Variants in CLDN16 observed in about 807,000 individuals in gnomAD.
CLDN16 encodes claudin 16.
Under a neutral mutation model 24.6 loss-of-function variants are expected in CLDN16, and 13 were observed. The ratio of observed to expected loss-of-function variants is 0.53; its 90% confidence interval spans 0.34 to 0.84. The LOEUF is 0.84. Ranked by LOEUF, CLDN16 falls within the 40% of genes least tolerant of loss-of-function variation. CLDN16 has a pLI of 0.01. For synonymous variants in CLDN16, 116 were observed against 106.7 expected, an observed-to-expected ratio of 1.09 and a Z score of -0.54; for missense variants, 298 against 292.7, an observed-to-expected ratio of 1.02 and a Z score of -0.13.
chr3:190,370,971 C>G (rs2108647168), exon 2 of CLDN16: 1 of 150,430 alleles, frequency 6.6e-6, no homozygotes, highest in South Asian at 2.1e-4. Flanking sequence ...CCTCAGCTTG[C>G]AGATGAACTA....
At chr3:190,308,134 T>C in the CLDN16 span, 1 of 973,762 alleles carries the variant, frequency 1.0e-6, no homozygotes, top group Non-Finnish European at 1.6e-6. Context: ...TTTTAACACA[T>C]GGGTTTTTTG....
chr3:190,322,847 T>C (rs1165777311), intron 1 of CLDN16, among the ~76,000 whole-genome samples: 2 of 152,044 alleles, frequency 1.3e-5, no homozygotes, highest in African/African-American at 4.8e-5. Flanking sequence ...TCCTCCCCCA[T>C]CACACCATTT....
intron 2 of CLDN16, among the ~76,000 whole-genome samples, chr3:190,404,332 T>G (rs1719035099): frequency 1.3e-5 from 2 of 152,030 alleles, no homozygotes; most frequent in Middle Eastern, 3.2e-3. Flanking sequence ...CCAATTATTA[T>G]TTTTAAATAA....
the CLDN16 span, among the ~76,000 whole-genome samples, chr3:190,296,283 T>C: frequency 6.6e-6 from 1 of 152,192 alleles, no homozygotes; most frequent in African/African-American, 2.4e-5. Context: ...TATTCTGTCA[T>C]TCTTGTCATG....
At chr3:190,299,154 T>C in the CLDN16 span, among the ~76,000 whole-genome samples, 9 of 152,184 alleles carry the variant, frequency 5.9e-5, no homozygotes, top group African/African-American at 2.2e-4. Context: ...AAATTACATT[T>C]TTCATTAATT....
chr3:190,335,023 CTTTTTTTTTT>C (rs57744577), intron 1 of CLDN16, among the ~76,000 whole-genome samples: 9 of 134,400 alleles, frequency 6.7e-5, no homozygotes, highest in African/African-American at 2.4e-4. Context: ...TTTCTTTTTT[CTTTTTTTTTT>C]TTTTTGTTTG....
At chr3:190,328,206 G>A (rs116813749) in intron 1 of CLDN16, among the ~76,000 whole-genome samples, 4 of 151,978 alleles carry the variant, frequency 2.6e-5, no homozygotes, top group Admixed American at 2.0e-4. Flanking sequence ...ACTTGGGCTC[G>A]AGAGATGGAG....
chr3:190,307,334 GT>G, the CLDN16 span: 1 of 152,202 alleles, frequency 6.6e-6, no homozygotes, highest in South Asian at 2.1e-4. Context: ...CAAAAAGGTA[GT>G]TTAGGGGGAT....
At chr3:190,390,509 G>A (rs1718621630) in intron 1 of CLDN16, among the ~76,000 whole-genome samples, 1 of 151,512 alleles carries the variant, frequency 6.6e-6, no homozygotes, top group Admixed American at 6.6e-5. Flanking sequence ...ACTCCAGCCT[G>A]GCGACAGAGC....
At chr3:190,395,824 A>G (rs1718805575) in intron 1 of CLDN16, among the ~76,000 whole-genome samples, 1 of 152,078 alleles carries the variant, frequency 6.6e-6, no homozygotes, top group Non-Finnish European at 1.5e-5. Context: ...GATAGCGGTT[A>G]ACCAACAATA....
At chr3:190,310,125 C>G in the CLDN16 span, 6 of 1,512,104 alleles carry the variant, frequency 4.0e-6, no homozygotes, top group Non-Finnish European at 4.6e-6. Flanking sequence ...ATAAAAAGGG[C>G]ATTTTCTCAG....
Position 190,388,296 on chromosome 3 carries a change from C to T in CLDN16, c.-34C>T. On this transcript the variant is annotated 5_prime_UTR_variant, in exon 1 of 5. Coordinates refer to ENST00000264734, the MANE Select transcript of CLDN16 (RefSeq NM_006580.4). The stretch of plus-strand genomic sequence containing the variant: ...TAAGTGGGGCCAGGGCTGGTGTCTG[C>T]CCATGTTGCCATCCTGATGGGCTGC... 1.9e-6 allele frequency: 3 copies of T among 1,614,100 alleles called. No homozygotes were observed. The South Asian group carries it at 3.3e-5, about 18-fold the overall frequency.
intron 1 of CLDN16, among the ~76,000 whole-genome samples, chr3:190,396,493 A>G (rs1718820167): frequency 6.6e-6 from 1 of 152,188 alleles, no homozygotes; most frequent in South Asian, 2.1e-4. Flanking sequence ...AGATTTTCTT[A>G]TCCTCACTAA....
At chr3:190,294,797 A>T in the CLDN16 span, among the ~76,000 whole-genome samples, 3 of 152,088 alleles carry the variant, frequency 2.0e-5, no homozygotes, top group African/African-American at 7.2e-5. Flanking sequence ...TATAAACCAC[A>T]TGACTTATAA....
chr3:190,329,577 A>G (rs1230849110), intron 1 of CLDN16, among the ~76,000 whole-genome samples: 1 of 152,192 alleles, frequency 6.6e-6, no homozygotes, highest in African/African-American at 2.4e-5. Context: ...GTAAGATGCA[A>G]TTTGGCTGTA....
At chr3:190,398,542 C>T (rs1324577345) in intron 1 of CLDN16, among the ~76,000 whole-genome samples, 1 of 152,192 alleles carries the variant, frequency 6.6e-6, no homozygotes, top group South Asian at 2.1e-4. Context: ...TCCTCAGTTA[C>T]ATTTTCAAAG....
chr3:190,397,884 C>A (rs1718859579), intron 1 of CLDN16, among the ~76,000 whole-genome samples: 1 of 152,086 alleles, frequency 6.6e-6, no homozygotes, highest in Admixed American at 6.6e-5. Context: ...ATTATTTTGG[C>A]AAGATGGAAA....
At chr3:190,312,104 T>C in the CLDN16 span, among the ~76,000 whole-genome samples, 2 of 151,836 alleles carry the variant, frequency 1.3e-5, 1 homozygote, top group African/African-American at 4.8e-5. Context: ...CTAATTTTTG[T>C]GTTTTCAGTA....
upstream of CLDN16, chr3:190,388,026 A>C: frequency 8.2e-7 from 1 of 1,222,888 alleles, no homozygotes; most frequent in Non-Finnish European, 1.2e-6. Flanking sequence ...CAGTTGGGTC[A>C]GAAAACGTTA....
Sources: gnomAD v4.1 joint callset for allele counts (sites outside exome capture counted in the v4.1 genomes callset) on GRCh38, gnomAD v4.1.1 for gene constraint, MANE v1.5 for transcripts, NCBI Gene and HGNC (gene_info 2026-07-23, HGNC 2026-07-21) for gene names.